Variants in TNS4 observed in about 807,000 individuals in gnomAD.
TNS4 encodes the protein tensin 4.
TNS4 carries 46 observed loss-of-function variants against 70.4 expected under a neutral mutation model. The observed-to-expected ratio is 0.65, with a 90% CI of 0.52 to 0.84. The LOEUF (loss-of-function observed/expected upper bound fraction) is 0.84. Ranked by LOEUF, TNS4 falls within the 40% of genes least tolerant of loss-of-function variation. TNS4 has a pLI of 0.00. For synonymous variants in TNS4, 390 were observed against 366.6 expected, an observed-to-expected ratio of 1.06 and a Z score of -0.73; for missense variants, 863 against 907.0, an observed-to-expected ratio of 0.95 and a Z score of 0.62.
At chr17:40,482,026 T>G in intron 8 of TNS4, 103 bp downstream of exon 8, 1 of 1,326,002 alleles carries the variant, frequency 7.5e-7, no homozygotes, top group Non-Finnish European at 1.0e-6. Context: ...GTTTTAACCG[T>G]GACACTAAAA....
Position 40,494,589 on chromosome 17 carries a change from G to T in TNS4, c.439+1398C>A, listed in dbSNP as rs569399905. ...TCTACTGAAAATACAAAAATTAGCT[G>T]GGCATGGTGGCAGGTGCCTGTAATC... On this transcript the variant is annotated intron_variant, in intron 2 of 12. Transcript: ENST00000254051. Among the ~76,000 whole-genome samples the T allele has an allele frequency of 3.2e-4, 49 of 152,200 alleles. No homozygotes were observed. In the South Asian group the frequency reaches 6.0e-3, roughly 19 times the overall value.
chr17:40,478,224 T>G, intron 12 of TNS4, 83 bp downstream of exon 12: 1 of 1,572,940 alleles, frequency 6.4e-7, no homozygotes, highest in Non-Finnish European at 8.7e-7. Flanking sequence ...CACTTTGGAC[T>G]ATTAAAGTCA....
chr17:40,483,630 A>G (rs1373970944), intron 6 of TNS4, among the ~76,000 whole-genome samples: 1 of 151,590 alleles, frequency 6.6e-6, no homozygotes, highest in Non-Finnish European at 1.5e-5. Context: ...TGACCTTCTG[A>G]CTCCTTTCCA....
intron 12 of TNS4, 176 bp from the exon 13 acceptor site, chr17:40,477,905 C>T (rs538038327): frequency 6.0e-5 from 38 of 631,870 alleles, no homozygotes; most frequent in South Asian, 4.7e-4. Flanking sequence ...ATGCCTCTCC[C>T]GTCAGACTGG....
At chr17:40,478,438 C>A in intron 11 of TNS4, 105 bp from the exon 12 acceptor site, 1 of 1,526,498 alleles carries the variant, frequency 6.6e-7, no homozygotes, top group Non-Finnish European at 8.9e-7. Context: ...CCACCATGCC[C>A]CACCCTACCC....
At position 40,480,747 on chromosome 17, in the gene TNS4, GCCCCATCTGCACCT is replaced by G. The variant is rs780050036; in HGVS notation, c.1680_1693del (p.Gly561LeufsTer45). On this transcript the variant is annotated frameshift_variant, in exon 9 of 13. Coordinates refer to ENST00000254051, the MANE Select transcript of TNS4 (RefSeq NM_032865.6). LOFTEE classifies it high-confidence loss of function. The stretch of plus-strand genomic sequence containing the variant: ...GGCTGGGCTGTCTGTAGAGTCCGAG[GCCCCATCTGCACCT>G]CCCAGTTCTGAGCCAAGGCAAAGAA... 1 of 1,599,506 alleles carries G rather than the reference GCCCCATCTGCACCT, an allele frequency of 6.3e-7. No individual in the cohort carries two copies.
Position 40,482,182 on chromosome 17 carries a change from T to C in TNS4, c.1619A>G (p.Gln540Arg). ...YFGSLSAFVCQHSIMALALPC... is the reference protein window; with the variant it reads ...YFGSLSAFVCRHSIMALALPC... ...CAGGGCCAGGGCCATGATGGAATGC[T>C]GGCACACGAAGGCAGAGAGGCTCCC... is the stretch of plus-strand genomic sequence containing the variant. Residue 540 changes from glutamine to arginine, a missense_variant, in exon 8 of 13, where the codon CAG becomes CGG. Coordinates refer to ENST00000254051, the MANE Select transcript of TNS4 (RefSeq NM_032865.6). 2 of 1,614,242 alleles carry C rather than the reference T, an allele frequency of 1.2e-6. No individual in the cohort carries two copies. Among genetic ancestry groups the C allele is most frequent in the Non-Finnish European group, 1.7e-6 (2 of 1,180,044 alleles).
chr17:40,496,644 G>A (rs979533362), intron 1 of TNS4, 124 bp from the exon 2 acceptor site: 1 of 556,710 alleles, frequency 1.8e-6, no homozygotes, highest in African/African-American at 2.0e-5. Context: ...CAGACCACCT[G>A]AGTTTGCAGC....
At chr17:40,492,677 G>A (rs2143819876) in intron 2 of TNS4, among the ~76,000 whole-genome samples, 1 of 151,472 alleles carries the variant, frequency 6.6e-6, no homozygotes, top group South Asian at 2.1e-4. Flanking sequence ...GGAGGCTGAG[G>A]AAGGAGGATT....
In TNS4 at chr17:40,488,966, A is replaced by G. The variant is rs768951694; in HGVS notation, c.443T>C (p.Ile148Thr). 2 of 1,569,354 alleles carry G rather than the reference A, an allele frequency of 1.3e-6. No individual in the cohort carries two copies. Among genetic ancestry groups the G allele is most frequent in the Admixed American group, 1.9e-5 (1 of 51,900 alleles). Residue 148 changes from isoleucine (I) to threonine (T), a missense_variant, in exon 3 of 13, where the codon ATA (isoleucine) becomes ACA (threonine). Ile to Thr is a moderately conservative substitution (Grantham distance 89, BLOSUM62 -1). Transcript: ENST00000254051. ...GGCGGAGGTCACCTCGATGTACTTT[A>G]TGTCTTTGGGGGAGAAAAGCAGAGC... Reference protein sequence around the residue: ...RKKEESEALDIKYIEVTSARS... With the variant: ...RKKEESEALDTKYIEVTSARS...
At chr17:40,490,968 T>C (rs910747568) in intron 2 of TNS4, among the ~76,000 whole-genome samples, 1 of 152,124 alleles carries the variant, frequency 6.6e-6, no homozygotes, top group African/African-American at 2.4e-5. Flanking sequence ...ATTGGCCAAA[T>C]GGAGCCCTTT....
At position 40,478,607 on chromosome 17, in the gene TNS4, A is replaced by G. The variant is rs141197770; in HGVS notation, c.1952T>C (p.Phe651Ser). The G allele has an allele frequency of 3.7e-6, 6 of 1,614,012 alleles. No homozygotes were observed. The African/African-American group carries it at 8.0e-5, about 22-fold the overall frequency. ...CCGTTGCTCAGGGTCCATACCACAG[A>G]AGCGGAGGGTGGTGAGTGGGTAATG... ...RRHYPLTTLR[F>S]CGMDPEQRKW... is the part of the protein sequence containing the mutation. Residue 651 changes from phenylalanine to serine, a missense_variant, in exon 11 of 13, where the codon TTC becomes TCC. Coordinates refer to ENST00000254051, the MANE Select transcript of TNS4 (RefSeq NM_032865.6).
In TNS4 at chr17:40,476,430, T is replaced by TGTGTGTGTGTGTGTG. The variant is rs2035850342; in HGVS notation, c.*1157_*1158insCACACACACACACAC. Reference sequence around the variant, plus strand: ...TGTGTGTGTGTGTGTGTGTGTGTGTTGGAGCGTGGGTTGGGGGAGGGCTCA... The same window carrying TGTGTGTGTGTGTGTG: ...TGTGTGTGTGTGTGTGTGTGTGTGTTGTGTGTGTGTGTGTGGGAGCGTGGGTTGGGGGAGGGCTCA... On this transcript the variant is annotated 3_prime_UTR_variant, in exon 13 of 13. Coordinates refer to ENST00000254051, the MANE Select transcript of TNS4 (RefSeq NM_032865.6). 2 of 46,738 alleles carry TGTGTGTGTGTGTGTG rather than the reference T, an allele frequency of 4.3e-5. No individual in the cohort carries two copies. The highest frequency in any genetic ancestry group is 5.1e-4 in the Admixed American group (2 of 3,948). The allele number at this position is 46,738 out of a possible 1,614,324, so 2.9% of individuals were successfully genotyped here. A position where few individuals can be genotyped will look rare whatever the true frequency, so the allele number is the denominator to read the frequency against.
chr17:40,492,095 C>T (rs969792478), intron 2 of TNS4, among the ~76,000 whole-genome samples: 2 of 152,146 alleles, frequency 1.3e-5, no homozygotes, highest in Non-Finnish European at 2.9e-5. Context: ...TTGTGAAGCA[C>T]CCAGGAGGTC....
rs951474065 is a variant in TNS4, at chr17:40,487,359, G to A, written c.965C>T (p.Ser322Leu). Residue 322 changes from serine (S) to leucine (L), a missense_variant, in exon 4 of 13, where the codon TCA becomes TTA. Coordinates refer to ENST00000254051, the MANE Select transcript of TNS4 (RefSeq NM_032865.6). ...ACTGGGTCTTGTACACAGGGACACT[G>A]AGCCAAGGCTGTGGAGGCTGGAGGA... ...NSSSSLHSLG[S>L]VSLCTRPSDF... The A allele has an allele frequency of 1.2e-6, 2 of 1,614,080 alleles. No individual in the cohort carries two copies. Among genetic ancestry groups the A allele is most frequent in the African/African-American group, 2.7e-5 (2 of 74,922 alleles).
chr17:40,495,783 G>A (rs2036134659), intron 2 of TNS4, among the ~76,000 whole-genome samples: 1 of 152,084 alleles, frequency 6.6e-6, no homozygotes, highest in South Asian at 2.1e-4. Context: ...CCAAACTCAG[G>A]AACCAAATAG....
Position 40,488,788 on chromosome 17 carries a change from C to T in TNS4, c.621G>A (p.Gln207=), listed in dbSNP as rs1377857541. The T allele has an allele frequency of 6.2e-7, 1 of 1,612,512 alleles. No individual in the cohort carries two copies. Among genetic ancestry groups the T allele is most frequent in the Non-Finnish European group, 8.5e-7 (1 of 1,179,614 alleles). Residue 207 remains glutamine, a synonymous_variant, in exon 3 of 13, where the codon CAG becomes CAA. Transcript: ENST00000254051. The stretch of plus-strand genomic sequence containing the variant: ...GCAGAGGGCGCTGGTGCCCCCTGCC[C>T]TGGTTCCCAGAGAAGATGAGGCTCT... ...SSESLIFSGN[Q]GRGHQRPLPP...
At chr17:40,479,337 G>T (rs1434926228) in intron 10 of TNS4, among the ~76,000 whole-genome samples, 1 of 152,116 alleles carries the variant, frequency 6.6e-6, no homozygotes, top group East Asian at 1.9e-4. Flanking sequence ...AGTAGAGACG[G>T]GGTTTCATCA....
chr17:40,495,715 T>C (rs1226005939), intron 2 of TNS4, among the ~76,000 whole-genome samples: 1 of 152,112 alleles, frequency 6.6e-6, no homozygotes, highest in Non-Finnish European at 1.5e-5. Context: ...CAAAACACTT[T>C]CCATAGGAGC....
Sources: gnomAD v4.1 joint callset for allele counts (sites outside exome capture counted in the v4.1 genomes callset) on GRCh38, gnomAD v4.1.1 for gene constraint, MANE v1.5 for transcripts, NCBI Gene and HGNC (gene_info 2026-07-23, HGNC 2026-07-21) for gene names.